Variants in CD226 observed in about 807,000 individuals in gnomAD.
CD226 encodes the protein CD226 antigen.
CD226 carries 24 observed loss-of-function variants against 34.9 expected under a neutral mutation model. The ratio of observed to expected loss-of-function variants is 0.69; its 90% confidence interval spans 0.50 to 0.97. The LOEUF is 0.97. CD226 is among the 50% of genes least tolerant of loss of function. The pLI is 0.00. For synonymous variants in CD226, 148 were observed against 147.4 expected, an observed-to-expected ratio of 1.00 and a Z score of -0.03; for missense variants, 397 against 412.7, an observed-to-expected ratio of 0.96 and a Z score of 0.33.
intron 2 of CD226, among the ~76,000 whole-genome samples, chr18:69,926,302 G>A (rs1206823430): frequency 6.6e-6 from 1 of 151,908 alleles, no homozygotes; most frequent in African/African-American, 2.4e-5. Context: ...CGGGACCTTT[G>A]CACTTGCTAT....
chr18:69,943,207 A>C (rs12961317), intron 2 of CD226, among the ~76,000 whole-genome samples: 318 of 152,352 alleles, frequency 2.1e-3, no homozygotes, highest in Non-Finnish European at 2.9e-3. Flanking sequence ...GGCACCCAGT[A>C]AACACTAGGT....
upstream of CD226, among the ~76,000 whole-genome samples, chr18:69,948,419 T>C (rs187200297): frequency 5.9e-5 from 9 of 152,202 alleles, no homozygotes; most frequent in East Asian, 9.7e-4. Flanking sequence ...TGAGTAAAAA[T>C]TGGGAAAAGT....
At chr18:69,948,884 T>C (rs1339613974), upstream of CD226, among the ~76,000 whole-genome samples, 1 of 152,214 alleles carries the variant, frequency 6.6e-6, no homozygotes, top group Non-Finnish European at 1.5e-5. Flanking sequence ...ATATTAATTT[T>C]AAAAGCAATT....
At chr18:69,917,369 G>T (rs1224497196) in intron 2 of CD226, among the ~76,000 whole-genome samples, 1 of 151,994 alleles carries the variant, frequency 6.6e-6, no homozygotes, top group Non-Finnish European at 1.5e-5. Flanking sequence ...CTGAACTCTG[G>T]ACCAGGACAC....
At chr18:69,929,929 C>T (rs1224736385) in intron 2 of CD226, among the ~76,000 whole-genome samples, 1 of 152,172 alleles carries the variant, frequency 6.6e-6, no homozygotes, top group Non-Finnish European at 1.5e-5. Flanking sequence ...TGTCTGAGCT[C>T]ATTCCCAGAA....
chr18:69,931,238 G>A (rs1205929629), intron 2 of CD226, among the ~76,000 whole-genome samples: 2 of 152,034 alleles, frequency 1.3e-5, no homozygotes, highest in African/African-American at 4.8e-5. Flanking sequence ...GTTGTGGGGT[G>A]GGGAGAGGGG....
Position 69,859,009 on chromosome 18 carries a change from A to T in CD226, c.*5305T>A, listed in dbSNP as rs1982697965. The T allele has an allele frequency of 6.6e-6, 1 of 151,898 alleles. No homozygotes were observed. Among genetic ancestry groups the T allele is most frequent in the African/African-American group, 2.4e-5 (1 of 41,348 alleles). The allele number at this position is 151,898 out of a possible 1,614,324, so 9.4% of individuals were successfully genotyped here. A position where few individuals can be genotyped will look rare whatever the true frequency, so the allele number is the denominator to read the frequency against. Reference sequence around the variant, plus strand: ...AGTCAGTATCTGTTTTCGTGCTTACAACCAATACCCCCAACTTTTACAGAC... The same window carrying T: ...AGTCAGTATCTGTTTTCGTGCTTACTACCAATACCCCCAACTTTTACAGAC... On this transcript the variant is annotated 3_prime_UTR_variant, in exon 6 of 6. Transcript: ENST00000582621.
Position 69,856,723 on chromosome 18 carries a change from A to C in CD226, c.*7591T>G, listed in dbSNP as rs1982620891. On this transcript the variant is annotated 3_prime_UTR_variant, in exon 6 of 6. Transcript: ENST00000582621. ...AAATAATTCATGGCTCAAAGAAGAA[A>C]TATCAAAAGAAATTTTAAAATATTT... is the stretch of plus-strand genomic sequence containing the variant. 1 of 152,216 alleles carries C rather than the reference A, an allele frequency of 6.6e-6. No homozygotes were observed. The highest frequency in any genetic ancestry group is 2.1e-4 in the South Asian group (1 of 4,836). 9.4% of individuals were successfully genotyped at this position (152,216 alleles called of 1,614,324 possible).
chr18:69,949,862 T>A (rs145026593), upstream of CD226, among the ~76,000 whole-genome samples: 3 of 151,356 alleles, frequency 2.0e-5, no homozygotes, highest in South Asian at 6.3e-4. Context: ...TTACACGTTA[T>A]CACTCACATA....
chr18:69,867,523 T>C, intron 4 of CD226, 112 bp from the exon 5 acceptor site: 3 of 666,390 alleles, frequency 4.5e-6, no homozygotes, highest in Admixed American at 2.3e-5. Context: ...TTCTAATATG[T>C]TGAAGTAGCT....
At chr18:69,949,509 G>A (rs139464944), upstream of CD226, among the ~76,000 whole-genome samples, 37 of 152,164 alleles carry the variant, frequency 2.4e-4, 1 homozygote, top group African/African-American at 7.0e-4. Flanking sequence ...GAATTCCTGA[G>A]GTCCTGAGGA....
rs1364843613 is a variant in CD226 at position 69,864,169 on chromosome 18, G to C, written c.*145C>G. 1.5e-6 allele frequency: 1 copy of C among 660,268 alleles called. No individual in the cohort carries two copies. The highest frequency in any genetic ancestry group is 3.0e-5 in the Admixed American group (1 of 33,276). The allele number at this position is 660,268 out of a possible 1,614,324, so 40.9% of individuals were successfully genotyped here. ...ACAGTTCTATGAAAAATGATTTTAG[G>C]TAATGAAGTATTTTTCCTATCAAAG... On this transcript the variant is annotated 3_prime_UTR_variant, in exon 6 of 6. Transcript: ENST00000582621.
intron 4 of CD226, among the ~76,000 whole-genome samples, chr18:69,871,076 A>ATTTTCATGAAGCAAAAT (rs1983492584): frequency 6.6e-6 from 1 of 152,224 alleles, no homozygotes; most frequent in African/African-American, 2.4e-5. Context: ...TGCATAATGC[A>ATTTTCATGAAGCAAAAT]TTTTCATGAA....
Position 69,878,657 on chromosome 18 carries a change from C to A in CD226, c.728-5411G>T, listed in dbSNP as rs180835373. Among the ~76,000 whole-genome samples, 69 of 152,264 alleles carry A rather than the reference C, an allele frequency of 4.5e-4. 1 individual carries two copies. The highest frequency in any genetic ancestry group is 3.4e-3 in the Middle Eastern group (1 of 294). On this transcript the variant is annotated intron_variant, in intron 3 of 5. Transcript: ENST00000582621. ...ACATCAAGCGTTAGGCTGGAAACTG[C>A]AAATTAAAACCACAATGAGAGACCA...
At chr18:69,949,579 TCA>T (rs368025355), upstream of CD226, among the ~76,000 whole-genome samples, 74 of 149,676 alleles carry the variant, frequency 4.9e-4, 1 homozygote, top group Non-Finnish European at 8.3e-4. Context: ...CTGTGTCCCT[TCA>T]CACACACACA....
At chr18:69,929,662 T>C (rs778822357) in intron 2 of CD226, among the ~76,000 whole-genome samples, 2 of 152,114 alleles carry the variant, frequency 1.3e-5, no homozygotes, top group Non-Finnish European at 2.9e-5. Context: ...TCTCTTGGGT[T>C]CTGATTAAAA....
At chr18:69,913,317 C>T (rs530335168) in intron 2 of CD226, among the ~76,000 whole-genome samples, 1 of 152,080 alleles carries the variant, frequency 6.6e-6, no homozygotes, top group Non-Finnish European at 1.5e-5. Context: ...CCAAAAAAGT[C>T]CTTATTGAAG....
At position 69,900,559 on chromosome 18, in the gene CD226, C is replaced by T. The variant is rs372279599; in HGVS notation, c.383-4514G>A. Among the ~76,000 whole-genome samples the T allele has an allele frequency of 1.3e-4, 19 of 151,590 alleles. No individual in the cohort carries two copies. In the East Asian group the frequency reaches 2.9e-3, roughly 23 times the overall value. On this transcript the variant is annotated intron_variant, in intron 2 of 5. Transcript: ENST00000582621. ...CATCCTGGCTAACAAGGTGAAACCC[C>T]GTCTCTACTAAAAATACAAAAAATT... is the stretch of plus-strand genomic sequence containing the variant.
chr18:69,920,689 C>T (rs552013745), intron 2 of CD226, among the ~76,000 whole-genome samples: 2 of 152,284 alleles, frequency 1.3e-5, no homozygotes, highest in African/African-American at 4.8e-5. Flanking sequence ...AAACACTTTG[C>T]AGCGGATGTT....
Sources: allele counts gnomAD v4.1 joint callset (sites outside exome capture counted in the v4.1 genomes callset), GRCh38; gene constraint gnomAD v4.1.1; transcripts MANE v1.5; gene names NCBI Gene and HGNC (gene_info 2026-07-23, HGNC 2026-07-21).